The following WDPCP variants were observed in gnomAD, a reference collection of about 807,000 sequenced individuals.
The protein encoded by WDPCP is WD repeat-containing and planar cell polarity effector protein fritz homolog.
In WDPCP, 71 loss-of-function variants were observed where a neutral mutation model predicts 93.1. That is an observed-to-expected ratio of 0.76 (90% CI 0.63 to 0.93). The LOEUF is 0.93. Ranked by LOEUF, WDPCP falls within the 40% of genes least tolerant of loss-of-function variation. The pLI, the probability that WDPCP is intolerant of heterozygous loss-of-function variation, is 0.00. For missense variants in WDPCP, 844 were observed against 887.4 expected, an observed-to-expected ratio of 0.95 and a Z score of 0.62; for synonymous variants, 315 against 315.0, an observed-to-expected ratio of 1.00 and a Z score of 0.00.
At chr2:63,729,045 C>T (rs1022704555) in intron 2 of WDPCP, among the ~76,000 whole-genome samples, 10 of 152,138 alleles carry the variant, frequency 6.6e-5, no homozygotes, top group Admixed American at 6.5e-4. Context: ...CCACGTTATC[C>T]ACACTCATGA....
intron 14 of WDPCP, among the ~76,000 whole-genome samples, chr2:63,226,176 A>T (rs1399628640): frequency 6.6e-6 from 1 of 151,920 alleles, no homozygotes; most frequent in Non-Finnish European, 1.5e-5. Flanking sequence ...ATAAAGGTAG[A>T]TGAGGAAAAC....
At chr2:63,641,872 C>T (rs1709983681) in intron 3 of WDPCP, among the ~76,000 whole-genome samples, 1 of 152,150 alleles carries the variant, frequency 6.6e-6, no homozygotes, top group South Asian at 2.1e-4. Context: ...TTTGCCTACA[C>T]CAATGTCGTG....
intron 12 of WDPCP, among the ~76,000 whole-genome samples, chr2:63,330,273 T>C (rs1195088744): frequency 1.3e-5 from 2 of 152,218 alleles, no homozygotes; most frequent in African/African-American, 2.4e-5. Context: ...TTAGTAGGTA[T>C]CGTAACAGAT....
chr2:63,763,782 A>G (rs1444380817), intron 2 of WDPCP, among the ~76,000 whole-genome samples: 2 of 152,152 alleles, frequency 1.3e-5, no homozygotes, highest in African/African-American at 2.4e-5. Context: ...GTGCCAAAAA[A>G]TTGCTGTTAG....
chr2:63,125,776 T>G (rs1288678847), intron 17 of WDPCP, among the ~76,000 whole-genome samples: 1 of 151,994 alleles, frequency 6.6e-6, no homozygotes, highest in Non-Finnish European at 1.5e-5. Context: ...ATCTGGCTAA[T>G]TTTTTTGTAT....
At chr2:63,270,327 G>T (rs1210886644) in intron 13 of WDPCP, among the ~76,000 whole-genome samples, 1 of 152,118 alleles carries the variant, frequency 6.6e-6, no homozygotes, top group African/African-American at 2.4e-5. Flanking sequence ...TGAAGGTTTT[G>T]TAGAACTCGT....
chr2:63,594,518 G>A lies in WDPCP; in HGVS notation n.488+56141C>T, dbSNP rs757312912. The A allele has an allele frequency of 2.4e-5, 39 of 1,613,716 alleles. No individual in the cohort carries two copies. The highest frequency in any genetic ancestry group is 3.3e-5 in the Non-Finnish European group (39 of 1,179,816). ...ACCAATCAGAGTCCTTGTGACTGGA[G>A]CAGCTGGTCAAATTGCATATTCACT... On this transcript the variant is annotated intron_variant and non_coding_transcript_variant, in intron 3 of 4. Coordinates refer to the WDPCP transcript ENST00000467687.
intron 3 of WDPCP, among the ~76,000 whole-genome samples, chr2:63,602,945 T>TTTTG (rs1709454257): frequency 6.3e-4 from 2 of 3,172 alleles, no homozygotes; most frequent in Non-Finnish European, 8.4e-4. Context: ...TTTTTTTTTT[T>TTTTG]TTTTTTTTTT....
At chr2:63,209,199 G>A (rs1233937660) in intron 14 of WDPCP, among the ~76,000 whole-genome samples, 1 of 152,164 alleles carries the variant, frequency 6.6e-6, no homozygotes, top group Non-Finnish European at 1.5e-5. Context: ...TGTAACTGTA[G>A]AATTGCATAA....
chr2:63,439,567 G>GA (rs1357599781), intron 7 of WDPCP, among the ~76,000 whole-genome samples, 190 bp downstream of exon 7: 1 of 151,988 alleles, frequency 6.6e-6, no homozygotes, highest in East Asian at 1.9e-4. Context: ...CAGTTGACAA[G>GA]AAAAAAACTT....
intron 2 of WDPCP, among the ~76,000 whole-genome samples, chr2:63,770,903 T>TA (rs1416135679): frequency 4.0e-5 from 6 of 151,856 alleles, no homozygotes; most frequent in East Asian, 1.9e-4. Context: ...TTTCTTGTTT[T>TA]AAAAAAAATT....
rs375734419 is a variant in WDPCP at position 63,675,464 on chromosome 2, T to C, written n.309-24626A>G. On this transcript the variant is annotated intron_variant and non_coding_transcript_variant, in intron 2 of 4. Transcript: ENST00000467687. Reference sequence around the variant, plus strand: ...AGTGAAAAGCCTATGCTTTATTTGGTTCCCTCCAAAATATCCTCTAACTGC... The same window carrying C: ...AGTGAAAAGCCTATGCTTTATTTGGCTCCCTCCAAAATATCCTCTAACTGC... 3.5e-4 allele frequency among the ~76,000 whole-genome samples: 53 copies of C among 152,320 alleles called. 1 individual carries two copies. The highest frequency in any genetic ancestry group is 6.8e-3 in the Middle Eastern group (2 of 294).
At chr2:63,318,004 T>C (rs963136840) in intron 12 of WDPCP, among the ~76,000 whole-genome samples, 1 of 152,090 alleles carries the variant, frequency 6.6e-6, no homozygotes, top group Admixed American at 6.6e-5. Context: ...GGAGAAAATA[T>C]TCACAAACTA....
chr2:63,201,439 G>A (rs929741206), intron 14 of WDPCP, among the ~76,000 whole-genome samples: 2 of 152,156 alleles, frequency 1.3e-5, no homozygotes, highest in Admixed American at 1.3e-4. Context: ...TTAAAAACGT[G>A]CTTTGGATTC....
chr2:63,814,287 T>C (rs1447258525), intron 1 of WDPCP, among the ~76,000 whole-genome samples: 1 of 152,156 alleles, frequency 6.6e-6, no homozygotes, highest in Admixed American at 6.5e-5. Context: ...ATTCTGGTCA[T>C]TGAAATGCAA....
intron 2 of WDPCP, among the ~76,000 whole-genome samples, chr2:63,718,703 CTGTT>C (rs1411627160): frequency 1.3e-5 from 2 of 152,010 alleles, no homozygotes; most frequent in African/African-American, 4.8e-5. Flanking sequence ...TGTAGGTTGT[CTGTT>C]TACTTTATGG....
intron 2 of WDPCP, among the ~76,000 whole-genome samples, chr2:63,676,215 A>C (rs181020304): frequency 6.8e-4 from 104 of 152,348 alleles, no homozygotes; most frequent in African/African-American, 2.4e-3. Flanking sequence ...AAGAAGAAGA[A>C]AGTTTACAAA....
intron 6 of WDPCP, among the ~76,000 whole-genome samples, chr2:63,464,292 T>C (rs935230582): frequency 2.6e-5 from 4 of 152,134 alleles, no homozygotes; most frequent in African/African-American, 9.7e-5. Flanking sequence ...ATTAGATAAC[T>C]GCAAATCAAA....
rs763749429 is a variant in WDPCP, at chr2:63,126,666, GT to G, written c.2191-4611del. On this transcript the variant is annotated intron_variant, in intron 17 of 17. Coordinates refer to ENST00000272321, the MANE Select transcript of WDPCP (RefSeq NM_015910.7). ...CACATAACTGTGCAACTTGTTTTGT[GT>G]TTTTTTTTTTTTTTTTTTTTTTGAG... Among the ~76,000 whole-genome samples the G allele has an allele frequency of 8.9e-3, 877 of 98,120 alleles. 2 individuals are homozygous for G. Among genetic ancestry groups the G allele is most frequent in the African/African-American group, 0.012 (333 of 26,920 alleles). The allele number at this position is 98,120 out of a possible 152,430, so 64.4% of individuals were successfully genotyped here.
Sources: allele counts gnomAD v4.1 joint callset (sites outside exome capture counted in the v4.1 genomes callset), GRCh38; gene constraint gnomAD v4.1.1; transcripts MANE v1.5; gene names NCBI Gene and HGNC (gene_info 2026-07-23, HGNC 2026-07-21).